Variants in SLC5A10 observed in about 807,000 individuals in gnomAD.
The protein encoded by SLC5A10 is sodium/mannose cotransporter SLC5A10.
SLC5A10 carries 55 observed loss-of-function variants against 68.9 expected under a neutral mutation model. The ratio of observed to expected loss-of-function variants is 0.80; its 90% CI spans 0.64 to 1.00. The LOEUF (loss-of-function observed/expected upper bound fraction) is 1.00. Among genes scored for constraint, SLC5A10 ranks in the 50% least tolerant of loss-of-function variants. The pLI is 0.00. For synonymous variants in SLC5A10, 344 were observed against 344.8 expected (o/e 1.00, Z 0.02); for missense variants, 732 against 819.3 (o/e 0.89, Z 1.30).
Position 19,015,197 on chromosome 17 carries a change from A to ACGGTACGGGCGTGGGGGC in SLC5A10, c.1241+7_1241+8insCGTGGGGGCCGGTACGGG. ...GCGAGCGGGAGCTCCTGCTGGTGGG[A>ACGGTACGGGCGTGGGGGC]CGGTACGGGGGTGGGGGCCAGTACG... On this transcript the variant is annotated inframe_insertion and splice_region_variant, in exon 11 of 15. Transcript: ENST00000395645. 1 of 907,520 alleles carries ACGGTACGGGCGTGGGGGC rather than the reference A, an allele frequency of 1.1e-6. No individual in the cohort carries two copies. The highest frequency in any genetic ancestry group is 1.7e-6 in the Non-Finnish European group (1 of 594,040). 56.2% of individuals were successfully genotyped at this position (907,520 alleles called of 1,614,324 possible).
rs1206995760 is a variant in SLC5A10, at chr17:19,004,169, T to C, written c.983-9241T>C. The stretch of plus-strand genomic sequence containing the variant: ...CCTCTGCTTCTCTGCCCATGAGCAA[T>C]CTGCGGGAAAGACCTGATGAGCCCG... On this transcript the variant is annotated intron_variant, in intron 9 of 14. Coordinates refer to ENST00000395645, the MANE Select transcript of SLC5A10 (RefSeq NM_001042450.4). This position sits in a 1 kb window ranked among gnomAD's most constrained non-coding sequence, Gnocchi z 5.4. The C allele has an allele frequency of 5.7e-6, 5 of 877,392 alleles. No homozygotes were observed. The highest frequency in any genetic ancestry group is 3.5e-5 in the African/African-American group (2 of 56,486). The allele number at this position is 877,392 out of a possible 1,614,324, so 54.4% of individuals were successfully genotyped here.
intron 12 of SLC5A10, 53 bp from the exon 13 acceptor site, chr17:19,019,660 G>A (rs947990137): frequency 1.2e-6 from 2 of 1,602,098 alleles, no homozygotes; most frequent in South Asian, 2.2e-5. Context: ...CCTGTGGGGG[G>A]AGCCTTGGTC....
Position 18,996,636 on chromosome 17 carries a change from A to G in SLC5A10, c.983-16774A>G, listed in dbSNP as rs570322208. Among the ~76,000 whole-genome samples, 16 of 152,268 alleles carry G rather than the reference A, an allele frequency of 1.1e-4. No homozygotes were observed. The highest frequency in any genetic ancestry group is 3.4e-3 in the Middle Eastern group (1 of 294). On this transcript the variant is annotated intron_variant, in intron 9 of 14. Transcript: ENST00000395645. This position sits in a 1 kb window ranked among gnomAD's most constrained non-coding sequence, Gnocchi z 4.4. ...GACCCCAGCCAGAGCAAGGATAATT[A>G]GGCCAACCAGCTGGCACGCATACAG...
intron 8 of SLC5A10, among the ~76,000 whole-genome samples, chr17:18,975,454 C>A (rs569207015): frequency 6.6e-6 from 1 of 151,988 alleles, no homozygotes; most frequent in African/African-American, 2.4e-5. Context: ...CTTTGGGAGG[C>A]CGAGGCGGGC....
chr17:19,013,454 G>A lies in SLC5A10; in HGVS notation c.1027G>A (p.Gly343Arg), dbSNP rs771902838. The A allele has an allele frequency of 1.3e-5, 21 of 1,604,742 alleles. No homozygotes were observed. Among genetic ancestry groups the A allele is most frequent in the Admixed American group, 1.2e-4 (7 of 58,964 alleles). ...VVPSECLRAC[G>R]AEVGCSNIAY... ...GCCGTCCGAGTGCCTGCGGGCCTGC[G>A]GGGCCGAGGTCGGCTGCTCCAACAT... Residue 343 changes from glycine to arginine, a missense_variant, in exon 10 of 15, where the codon GGG (glycine) becomes AGG (arginine). Coordinates refer to ENST00000395645, the MANE Select transcript of SLC5A10 (RefSeq NM_001042450.4).
intron 9 of SLC5A10, among the ~76,000 whole-genome samples, chr17:19,008,218 G>A (rs1177404231): frequency 6.6e-6 from 1 of 152,122 alleles, no homozygotes; most frequent in Non-Finnish European, 1.5e-5. Context: ...ATGTACCCTG[G>A]GTGCTTTCCC....
chr17:18,986,217 G>A (rs1176058113), intron 9 of SLC5A10: 1 of 152,232 alleles, frequency 6.6e-6, no homozygotes, highest in Non-Finnish European at 1.5e-5. Context: ...CCATTCCTAG[G>A]TTTATTGATA....
At chr17:18,991,275 G>C (rs758970866) in intron 9 of SLC5A10, among the ~76,000 whole-genome samples, 3 of 152,144 alleles carry the variant, frequency 2.0e-5, no homozygotes, top group Non-Finnish European at 4.4e-5. Context: ...AAGACCAACT[G>C]GCTTGGTCTG....
At chr17:18,982,265 A>C (rs1441556061) in intron 9 of SLC5A10, among the ~76,000 whole-genome samples, 1 of 152,080 alleles carries the variant, frequency 6.6e-6, no homozygotes, top group East Asian at 1.9e-4. Flanking sequence ...GGGGCTCAGC[A>C]GCAGGTGGGG....
At chr17:18,951,923 C>A, upstream of SLC5A10, 1 of 427,790 alleles carries the variant, frequency 2.3e-6, no homozygotes, top group Non-Finnish European at 4.2e-6. Flanking sequence ...GTTCATTTTC[C>A]CCAAGCCCCC....
At chr17:18,985,236 C>CA (rs2043240594) in intron 9 of SLC5A10, among the ~76,000 whole-genome samples, 1 of 152,354 alleles carries the variant, frequency 6.6e-6, no homozygotes, top group African/African-American at 2.4e-5. Flanking sequence ...CTCCTTCACT[C>CA]TTCACAGCAC....
intron 10 of SLC5A10, among the ~76,000 whole-genome samples, chr17:19,014,300 C>T (rs1406872029): frequency 6.6e-6 from 1 of 152,176 alleles, no homozygotes; most frequent in Non-Finnish European, 1.5e-5. Context: ...AGCATCCTTC[C>T]ACCTTCCTTA....
At position 18,990,785 on chromosome 17, in the gene SLC5A10, G is replaced by A. The variant is rs146457705; in HGVS notation, c.982+13796G>A. On this transcript the variant is annotated intron_variant, in intron 9 of 14. Coordinates refer to ENST00000395645, the MANE Select transcript of SLC5A10 (RefSeq NM_001042450.4). ...GGCACGAGCTTATGCTGGGGATGGG[G>A]AGGGGGAGCCTGGTGCTCCCCCAGG... Among the ~76,000 whole-genome samples the A allele has an allele frequency of 3.2e-3, 304 of 94,124 alleles. 1 individual carries two copies. Among genetic ancestry groups the A allele is most frequent in the African/African-American group, 0.012 (284 of 22,802 alleles). 61.7% of individuals were successfully genotyped at this position (94,124 alleles called of 152,430 possible). A position where few individuals can be genotyped will look rare whatever the true frequency, so the allele number is the denominator to read the frequency against.
rs2044157787 is a variant in SLC5A10 at position 19,017,198 on chromosome 17, TTC to T, written c.1241+2004_1241+2005del. 1 of 1,257,896 alleles carries T rather than the reference TTC, an allele frequency of 7.9e-7. No individual in the cohort carries two copies. Among genetic ancestry groups the T allele is most frequent in the Non-Finnish European group, 1.1e-6 (1 of 888,920 alleles). The allele number at this position is 1,257,896 out of a possible 1,614,324, so 77.9% of individuals were successfully genotyped here. On this transcript the variant is annotated intron_variant, in intron 11 of 14. Transcript: ENST00000395645. The surrounding 1 kb of genome is among the most constrained non-coding windows in gnomAD (Gnocchi z 5.6). ...GTTGCTCACCCTCTCTGGGCCCCAGTTCTCTCAGCTGCCAGCTGGATAGAGCA... is the reference window on the plus strand; with the variant it reads ...GTTGCTCACCCTCTCTGGGCCCCAGTTCTCAGCTGCCAGCTGGATAGAGCA...
At chr17:18,952,143 T>A, upstream of SLC5A10, 2 of 1,559,578 alleles carry the variant, frequency 1.3e-6, no homozygotes, top group Non-Finnish European at 1.7e-6. Context: ...CAGGAAACCC[T>A]TTCTGACCTG....
intron 9 of SLC5A10, among the ~76,000 whole-genome samples, chr17:19,013,111 C>T (rs1314549976): frequency 1.3e-5 from 2 of 152,204 alleles, no homozygotes; most frequent in African/African-American, 4.8e-5. Flanking sequence ...GAGGCTCAGG[C>T]CCCAGGTAGA....
intron 1 of SLC5A10, chr17:18,953,635 A>G (rs1396585526): frequency 6.6e-6 from 1 of 152,030 alleles, no homozygotes; most frequent in Admixed American, 6.6e-5. Flanking sequence ...CAGTGGTAGC[A>G]GTGGTGGTGG....
At chr17:18,974,134 G>A (rs8065967) in intron 8 of SLC5A10, among the ~76,000 whole-genome samples, 67,065 of 151,448 alleles carry the variant, frequency 0.44, 16,119 homozygotes, top group Admixed American at 0.55. Context: ...CTCGTGATCC[G>A]CCCACCTAGG....
intron 5 of SLC5A10, among the ~76,000 whole-genome samples, chr17:18,966,783 CT>C (rs1202062103): frequency 2.7e-5 from 4 of 147,060 alleles, no homozygotes; most frequent in Non-Finnish European, 4.5e-5. Context: ...TCTGCGGTTG[CT>C]CCTGGGTCAC....
Sources: allele counts gnomAD v4.1 joint callset (sites outside exome capture counted in the v4.1 genomes callset), GRCh38; gene constraint gnomAD v4.1.1; non-coding constraint Gnocchi (gnomAD v3.1); transcripts MANE v1.5; gene names NCBI Gene and HGNC (gene_info 2026-07-23, HGNC 2026-07-21).